ATAD2: variants seen among roughly 807,000 people sequenced by gnomAD.
ATAD2 encodes the protein ATPase family AAA domain-containing protein 2.
ATAD2 carries 62 observed loss-of-function variants against 168.9 expected under a neutral mutation model. The observed-to-expected ratio is 0.37, with a 90% CI of 0.30 to 0.45. ATAD2 has a LOEUF of 0.45. ATAD2 is among the 20% of genes least tolerant of loss of function. The pLI, the probability that ATAD2 is intolerant of heterozygous loss-of-function variation, is 1.00. For missense variants in ATAD2, 1,419 were observed against 1,667.8 expected (o/e 0.85, Z 2.60); for synonymous variants, 613 against 571.6 (o/e 1.07, Z -1.03).
upstream of ATAD2, chr8:123,400,536 C>T (rs184735098): frequency 4.0e-5 from 17 of 419,780 alleles, no homozygotes; most frequent in Non-Finnish European, 6.3e-5. This position sits in a 1 kb window ranked among gnomAD's most constrained non-coding sequence, Gnocchi z 4.5. Context: ...GGCTGGCAGC[C>T]GAGCGGGTGT....
intron 1 of ATAD2, among the ~76,000 whole-genome samples, chr8:123,403,043 A>C (rs1183304603): frequency 6.6e-6 from 1 of 152,110 alleles, no homozygotes; most frequent in East Asian, 1.9e-4. Flanking sequence ...TGAGAATAGA[A>C]GGGTATGCAT....
intron 6 of ATAD2, 147 bp from the exon 7 acceptor site, chr8:123,370,171 A>C: frequency 1.4e-6 from 1 of 702,088 alleles, no homozygotes; most frequent in East Asian, 2.5e-5. Flanking sequence ...AACCAAACTT[A>C]TCTACTCCTA....
At chr8:123,353,926 A>G (rs528803915) in intron 13 of ATAD2, among the ~76,000 whole-genome samples, 2 of 152,204 alleles carry the variant, frequency 1.3e-5, no homozygotes, top group East Asian at 3.9e-4. Flanking sequence ...TGAGATCAGG[A>G]GTTCGAGACC....
intron 1 of ATAD2, among the ~76,000 whole-genome samples, chr8:123,381,709 G>A (rs1012809643): frequency 6.6e-6 from 1 of 152,054 alleles, no homozygotes; most frequent in Non-Finnish European, 1.5e-5. Flanking sequence ...CACATTAGAA[G>A]TCAAAGGTAT....
upstream of ATAD2, chr8:123,400,624 G>A (rs1812983536): frequency 7.8e-6 from 5 of 639,802 alleles, no homozygotes; most frequent in South Asian, 2.9e-5. The surrounding 1 kb of genome is among the most constrained non-coding windows in gnomAD (Gnocchi z 4.5). Context: ...GCCCGAGGAC[G>A]GGCTCACCAC....
At chr8:123,339,490 G>A (rs1162046866) in intron 19 of ATAD2, 44 bp from the exon 20 acceptor site, 2 of 1,480,138 alleles carry the variant, frequency 1.4e-6, no homozygotes, top group African/African-American at 1.4e-5. Context: ...ATATACAGAT[G>A]ATCCCCAACT....
intron 18 of ATAD2, 117 bp downstream of exon 18, chr8:123,345,969 G>T: frequency 1.2e-6 from 1 of 819,274 alleles, no homozygotes; most frequent in Non-Finnish European, 1.8e-6. Context: ...ACTCTGTTTT[G>T]TAAACCTAAA....
intron 1 of ATAD2, among the ~76,000 whole-genome samples, chr8:123,405,851 T>C (rs2130032211): frequency 6.6e-6 from 1 of 152,340 alleles, no homozygotes; most frequent in Non-Finnish European, 1.5e-5. Flanking sequence ...CTGCTATGAA[T>C]AAATAGGTTC....
chr8:123,412,694 A>C (rs2130056311), intron 1 of ATAD2, among the ~76,000 whole-genome samples: 1 of 152,130 alleles, frequency 6.6e-6, no homozygotes, highest in African/African-American at 2.4e-5. Flanking sequence ...GGTCTCCCAA[A>C]GTTCTAGGAT....
chr8:123,325,151 G>A (rs537274446), intron 26 of ATAD2, among the ~76,000 whole-genome samples: 1 of 139,902 alleles, frequency 7.1e-6, no homozygotes, highest in Non-Finnish European at 1.5e-5. Flanking sequence ...CATCCAGGCT[G>A]GAAGGCACGA....
chr8:123,330,209 T>TAG (rs1360075210), intron 24 of ATAD2, among the ~76,000 whole-genome samples: 1 of 151,804 alleles, frequency 6.6e-6, no homozygotes, highest in Admixed American at 6.6e-5. Context: ...AGGCTGGTCT[T>TAG]AAACTCCTGG....
intron 19 of ATAD2, chr8:123,342,269 CA>C (rs1291465944): frequency 1.3e-5 from 2 of 151,818 alleles, no homozygotes; most frequent in Non-Finnish European, 2.9e-5. Flanking sequence ...ATGAATATAC[CA>C]TATCCTGTTT....
intron 22 of ATAD2, among the ~76,000 whole-genome samples, chr8:123,335,634 G>T (rs1827893599): frequency 6.6e-6 from 1 of 152,094 alleles, no homozygotes; most frequent in African/African-American, 2.4e-5. Context: ...TCTTGGAAAT[G>T]GACAAGCTGC....
intron 1 of ATAD2, among the ~76,000 whole-genome samples, chr8:123,385,774 T>C (rs924573212): frequency 6.6e-6 from 1 of 152,086 alleles, no homozygotes. Context: ...TAAGGTTTTA[T>C]ATATACATAC....
At chr8:123,322,356 G>A (rs766043669) in intron 27 of ATAD2, among the ~76,000 whole-genome samples, 1 of 152,172 alleles carries the variant, frequency 6.6e-6, no homozygotes, top group Non-Finnish European at 1.5e-5. Context: ...CATAGTTTAT[G>A]TTCCACTATT....
chr8:123,401,434 A>G (rs142689084), upstream of ATAD2: 331 of 1,418,802 alleles, frequency 2.3e-4, 1 homozygote, highest in East Asian at 6.8e-3. Flanking sequence ...GCCATGGTGT[A>G]TTACGTCAAA....
At chr8:123,384,777 G>T (rs186730458) in intron 1 of ATAD2, among the ~76,000 whole-genome samples, 7 of 152,320 alleles carry the variant, frequency 4.6e-5, no homozygotes, top group Non-Finnish European at 4.4e-5. Context: ...ACGATACAAA[G>T]ATTAGCGAAA....
chr8:123,339,477 CAT>C, intron 19 of ATAD2, 31 bp from the exon 20 acceptor site: 1 of 1,513,490 alleles, frequency 6.6e-7, no homozygotes, highest in African/African-American at 1.4e-5. Flanking sequence ...CAATATATAT[CAT>C]ATATACAGAT....
Position 123,380,671 on chromosome 8 carries a change from A to G in ATAD2, c.178T>C (p.Ser60Pro). 6.3e-7 allele frequency: 1 copy of G among 1,596,828 alleles called. No individual in the cohort carries two copies. The highest frequency in any genetic ancestry group is 8.5e-7 in the Non-Finnish European group (1 of 1,173,732). Residue 60 changes from serine (S) to proline (P), a missense_variant, in exon 2 of 28, where the codon TCA (serine) becomes CCA (proline). Transcript: ENST00000287394. ...TAGGTTTCAACTTCCTTAACTGATG[A>G]CCCATCCTTTAAGAAAAATTAAGAA... ...AATTAKAGDG[S>P]SVKEVETYHR...
Sources: allele counts gnomAD v4.1 joint callset (sites outside exome capture counted in the v4.1 genomes callset), GRCh38; gene constraint gnomAD v4.1.1; non-coding constraint Gnocchi (gnomAD v3.1); transcripts MANE v1.5; gene names NCBI Gene and HGNC (gene_info 2026-07-23, HGNC 2026-07-21).